SEMA3E: variants seen among roughly 807,000 people sequenced by gnomAD.
The protein encoded by SEMA3E is semaphorin-3E.
In SEMA3E, 49 loss-of-function variants were observed where a neutral mutation model predicts 93.6. That is an observed-to-expected ratio of 0.52 (90% CI 0.42 to 0.66). The LOEUF is 0.66. SEMA3E is among the 30% of genes least tolerant of loss of function. The probability of loss-of-function intolerance (pLI) is 0.00; values close to 1 mark genes in which losing one functional copy is unlikely to be tolerated. For synonymous variants in SEMA3E, 363 were observed against 330.7 expected, an observed-to-expected ratio of 1.10 and a Z score of -1.06; for missense variants, 906 against 964.8, an observed-to-expected ratio of 0.94 and a Z score of 0.81.
chr7:83,407,578 C>T (rs2722983), intron 6 of SEMA3E, among the ~76,000 whole-genome samples: 77,065 of 151,998 alleles, frequency 0.51, 22,403 homozygotes, highest in East Asian at 0.85. Context: ...CAAATCTCTA[C>T]AAATTTCCTC....
intron 1 of SEMA3E, among the ~76,000 whole-genome samples, chr7:83,513,487 T>G (rs892872616): frequency 6.6e-6 from 1 of 152,220 alleles, no homozygotes. Context: ...CAATGTTGAT[T>G]GCACAAACAT....
At chr7:83,516,291 T>C (rs1790927265) in intron 1 of SEMA3E, among the ~76,000 whole-genome samples, 1 of 152,180 alleles carries the variant, frequency 6.6e-6, no homozygotes, top group Non-Finnish European at 1.5e-5. Context: ...GTGAAACATA[T>C]ATTTCTTTCT....
At chr7:83,593,310 G>GTT (rs1792798111) in intron 1 of SEMA3E, among the ~76,000 whole-genome samples, 1 of 135,306 alleles carries the variant, frequency 7.4e-6, no homozygotes, top group South Asian at 2.4e-4. Context: ...GTGTGTGTGT[G>GTT]TGTGTGTGTG....
At chr7:83,538,130 C>T (rs538617233) in intron 1 of SEMA3E, among the ~76,000 whole-genome samples, 28 of 152,124 alleles carry the variant, frequency 1.8e-4, no homozygotes, top group Non-Finnish European at 2.9e-4. Context: ...ATGTTTCCAC[C>T]TTTTGGCTAG....
At chr7:83,459,269 A>C (rs1789560151) in intron 4 of SEMA3E, among the ~76,000 whole-genome samples, 1 of 152,144 alleles carries the variant, frequency 6.6e-6, no homozygotes, top group Non-Finnish European at 1.5e-5. Flanking sequence ...TTAGAAGACA[A>C]AGCAGTTTGA....
chr7:83,467,521 A>G (rs1249596787), intron 3 of SEMA3E, among the ~76,000 whole-genome samples: 2 of 152,204 alleles, frequency 1.3e-5, no homozygotes, highest in African/African-American at 4.8e-5. Flanking sequence ...ATAGTAGTAG[A>G]CTGGGGATCA....
At chr7:83,523,550 C>G (rs1045293133) in intron 1 of SEMA3E, among the ~76,000 whole-genome samples, 1 of 152,082 alleles carries the variant, frequency 6.6e-6, no homozygotes, top group East Asian at 1.9e-4. Flanking sequence ...TATCGCTTTT[C>G]TCTCTCAGTG....
At chr7:83,410,001 G>C (rs1788407409) in intron 5 of SEMA3E, among the ~76,000 whole-genome samples, 1 of 151,274 alleles carries the variant, frequency 6.6e-6, no homozygotes, top group Non-Finnish European at 1.5e-5. Context: ...ACCAAATTTA[G>C]AATAATATGA....
intron 2 of SEMA3E, among the ~76,000 whole-genome samples, chr7:83,473,842 C>G (rs1163884667): frequency 1.3e-5 from 2 of 151,928 alleles, no homozygotes; most frequent in Non-Finnish European, 2.9e-5. Flanking sequence ...GCCTGTAATC[C>G]CAGCACTTTG....
intron 1 of SEMA3E, among the ~76,000 whole-genome samples, chr7:83,611,250 TTTATATATA>T (rs1793247685): frequency 6.9e-6 from 1 of 144,390 alleles, no homozygotes; most frequent in Non-Finnish European, 1.5e-5. Context: ...TCCATATATA[TTTATATATA>T]TTATATATAA....
At chr7:83,564,787 G>C (rs1237855344) in intron 1 of SEMA3E, among the ~76,000 whole-genome samples, 1 of 151,998 alleles carries the variant, frequency 6.6e-6, no homozygotes, top group Admixed American at 6.6e-5. Context: ...ACAATTACAT[G>C]GTTGGCTAAA....
At chr7:83,446,353 T>G (rs894095425) in intron 4 of SEMA3E, among the ~76,000 whole-genome samples, 3 of 152,172 alleles carry the variant, frequency 2.0e-5, no homozygotes, top group Non-Finnish European at 4.4e-5. Context: ...TTCAGCAGTT[T>G]CAAACAGCAG....
chr7:83,542,475 A>T (rs1791556932), intron 1 of SEMA3E, among the ~76,000 whole-genome samples: 1 of 152,206 alleles, frequency 6.6e-6, no homozygotes, highest in Non-Finnish European at 1.5e-5. Flanking sequence ...ATATTTGCAA[A>T]GTCTTACAAT....
intron 1 of SEMA3E, among the ~76,000 whole-genome samples, chr7:83,644,878 A>C (rs2115722546): frequency 6.6e-6 from 1 of 152,096 alleles, no homozygotes; most frequent in South Asian, 2.1e-4. Context: ...CCTTTATTTA[A>C]ATGTCTCTTC....
chr7:83,589,274 T>A (rs1792702450), intron 1 of SEMA3E, among the ~76,000 whole-genome samples: 1 of 152,156 alleles, frequency 6.6e-6, no homozygotes, highest in Non-Finnish European at 1.5e-5. Context: ...TTTTTTACAC[T>A]CCTCTCTTGT....
chr7:83,570,613 C>A (rs1334076755), intron 1 of SEMA3E, among the ~76,000 whole-genome samples: 1 of 147,436 alleles, frequency 6.8e-6, no homozygotes, highest in Non-Finnish European at 1.5e-5. Context: ...AACATCACAC[C>A]TAGAGGAACT....
chr7:83,504,011 G>A (rs1162055551), intron 1 of SEMA3E, among the ~76,000 whole-genome samples: 2 of 152,044 alleles, frequency 1.3e-5, no homozygotes, highest in East Asian at 1.9e-4. Context: ...TAAAAATAAG[G>A]CCTTCCCTCA....
chr7:83,520,581 G>A (rs1791022229), intron 1 of SEMA3E, among the ~76,000 whole-genome samples: 1 of 152,090 alleles, frequency 6.6e-6, no homozygotes, highest in African/African-American at 2.4e-5. Context: ...TGGGTCTGCA[G>A]CAGTAGAAGG....
chr7:83,394,458 T>C lies in SEMA3E; in HGVS notation c.1459-120A>G, dbSNP rs767730864. ...AAGTGGTTATGTGTTAAGTACTGTA[T>C]AGCTTTCATTTTAGTAAACCAATAT... On this transcript the variant is annotated intron_variant, in intron 12 of 16. Transcript: ENST00000643230. 5.4e-5 allele frequency: 43 copies of C among 791,608 alleles called. No homozygotes were observed. In the Admixed American group the frequency reaches 7.9e-4, roughly 15 times the overall value. 49.0% of individuals were successfully genotyped at this position (791,608 alleles called of 1,614,324 possible). A position where few individuals can be genotyped will look rare whatever the true frequency, so the allele number is the denominator to read the frequency against.
Sources: gnomAD v4.1 joint callset for allele counts (sites outside exome capture counted in the v4.1 genomes callset) on GRCh38, gnomAD v4.1.1 for gene constraint, MANE v1.5 for transcripts, NCBI Gene and HGNC (gene_info 2026-07-23, HGNC 2026-07-21) for gene names.